Variants in CNTN4 observed in about 807,000 individuals in gnomAD.
CNTN4 encodes contactin-4.
CNTN4 carries 77 observed loss-of-function variants against 122.5 expected under a neutral mutation model. That is an observed-to-expected ratio of 0.63 (90% CI 0.52 to 0.76). The LOEUF is 0.76. Ranked by LOEUF, CNTN4 falls within the 30% of genes least tolerant of loss-of-function variation. The pLI, the probability that CNTN4 is intolerant of heterozygous loss-of-function variation, is 0.00. For missense variants in CNTN4, 1,256 were observed against 1,259.1 expected (o/e 1.00, Z 0.04); for synonymous variants, 512 against 447.0 (o/e 1.15, Z -1.83).
chr3:2,467,936 A>G (rs964012457), intron 3 of CNTN4, among the ~76,000 whole-genome samples: 2 of 152,242 alleles, frequency 1.3e-5, no homozygotes, highest in South Asian at 2.1e-4. Flanking sequence ...ATCTTTATCT[A>G]TATTTTATAG....
intron 3 of CNTN4, among the ~76,000 whole-genome samples, chr3:2,433,880 T>G (rs1223616184): frequency 6.6e-6 from 1 of 152,160 alleles, no homozygotes; most frequent in African/African-American, 2.4e-5. Context: ...TTGGAGGACA[T>G]TATGCCAATT....
At chr3:2,629,056 G>A (rs1456668008) in intron 4 of CNTN4, among the ~76,000 whole-genome samples, 1 of 152,172 alleles carries the variant, frequency 6.6e-6, no homozygotes, top group Non-Finnish European at 1.5e-5. Flanking sequence ...AGCGGTATCT[G>A]AAAGGAACTT....
intron 13 of CNTN4, among the ~76,000 whole-genome samples, chr3:2,951,423 C>T (rs1484925153): frequency 2.6e-5 from 4 of 152,176 alleles, no homozygotes; most frequent in Non-Finnish European, 4.4e-5. Context: ...TGACAGAAGG[C>T]GGAGCACAGA....
intron 2 of CNTN4, among the ~76,000 whole-genome samples, chr3:2,128,222 A>C (rs766501534): frequency 2.6e-5 from 4 of 152,148 alleles, no homozygotes; most frequent in African/African-American, 9.7e-5. Flanking sequence ...GCTGATTGCA[A>C]CCCTGAGCCA....
intron 16 of CNTN4, among the ~76,000 whole-genome samples, chr3:3,033,423 C>T (rs1053532183): frequency 1.3e-5 from 2 of 152,220 alleles, no homozygotes; most frequent in African/African-American, 4.8e-5. Context: ...GAATTTAGGG[C>T]ATCACGTAAA....
chr3:2,464,123 TTA>T (rs1466551431), intron 3 of CNTN4, among the ~76,000 whole-genome samples: 4 of 152,232 alleles, frequency 2.6e-5, no homozygotes, highest in Non-Finnish European at 5.9e-5. Context: ...ATGGAATGGC[TTA>T]TGACAACTTC....
chr3:2,470,881 T>A (rs1444692660), intron 3 of CNTN4, among the ~76,000 whole-genome samples: 2 of 152,188 alleles, frequency 1.3e-5, no homozygotes, highest in African/African-American at 4.8e-5. Flanking sequence ...CTGGTATATG[T>A]AAGGTTTGGG....
chr3:2,854,804 T>TG (rs1271436920), intron 7 of CNTN4, among the ~76,000 whole-genome samples: 1 of 152,152 alleles, frequency 6.6e-6, no homozygotes, highest in Non-Finnish European at 1.5e-5. Flanking sequence ...AGTAAATAAT[T>TG]AGAGTTAAAC....
At chr3:2,267,841 A>G (rs1024661669) in intron 2 of CNTN4, among the ~76,000 whole-genome samples, 1 of 151,924 alleles carries the variant, frequency 6.6e-6, no homozygotes, top group Admixed American at 6.6e-5. Context: ...TTTTCATCAT[A>G]TATATAACAG....
At chr3:2,960,186 T>G (rs1018225711) in intron 13 of CNTN4, among the ~76,000 whole-genome samples, 1 of 152,148 alleles carries the variant, frequency 6.6e-6, no homozygotes, top group African/African-American at 2.4e-5. Flanking sequence ...TGAAAATTGG[T>G]TTGAGATAAT....
chr3:2,441,080 A>G (rs1046369268), intron 3 of CNTN4, among the ~76,000 whole-genome samples: 9 of 151,954 alleles, frequency 5.9e-5, no homozygotes, highest in African/African-American at 2.2e-4. Flanking sequence ...GAATTGATGC[A>G]TTATGGTGAG....
chr3:2,659,556 A>G (rs752195095), intron 4 of CNTN4, among the ~76,000 whole-genome samples: 7 of 151,868 alleles, frequency 4.6e-5, no homozygotes, highest in South Asian at 2.1e-4. Flanking sequence ...CCTAGTCTGC[A>G]GTGAGGTTTT....
rs73807021 is a variant in CNTN4 at position 2,200,107 on chromosome 3, A to T, written c.-145+99468A>T. 8.1e-3 allele frequency among the ~76,000 whole-genome samples: 1,237 copies of T among 152,260 alleles called. 15 individuals carry two copies. The highest frequency in any genetic ancestry group is 0.028 in the African/African-American group (1,171 of 41,558). ...TACCCCTGCAGTATGTAAAGAATGG[A>T]TTCACGAGGATAAAGAGATGGTAGG... On this transcript the variant is annotated intron_variant, in intron 2 of 24. Coordinates refer to ENST00000418658, the MANE Select transcript of CNTN4 (RefSeq NM_175607.3).
At chr3:2,172,509 T>C (rs1023678395) in intron 2 of CNTN4, among the ~76,000 whole-genome samples, 10 of 152,028 alleles carry the variant, frequency 6.6e-5, no homozygotes, top group Admixed American at 2.0e-4. Context: ...GAAGGACTTA[T>C]CCACGTAACC....
intron 4 of CNTN4, among the ~76,000 whole-genome samples, chr3:2,659,460 C>CAAAAAAAA (rs59025670): frequency 1.1e-4 from 6 of 53,952 alleles, no homozygotes; most frequent in African/African-American, 2.0e-4. Context: ...GACTCCATCT[C>CAAAAAAAA]AAAAAAAAAA....
At chr3:2,449,062 A>G (rs969482993) in intron 3 of CNTN4, among the ~76,000 whole-genome samples, 1 of 152,188 alleles carries the variant, frequency 6.6e-6, no homozygotes, top group Non-Finnish European at 1.5e-5. Context: ...TATTACTTAT[A>G]TAACTGTTTA....
chr3:2,481,055 T>TTCTTTCTTTCTCTCTTTCTC (rs1213100693), intron 3 of CNTN4, among the ~76,000 whole-genome samples: 1 of 134,798 alleles, frequency 7.4e-6, no homozygotes, highest in Non-Finnish European at 1.6e-5. Context: ...CTTTCTTTCT[T>TTCTTTCTTTCTCTCTTTCTC]TCTTTCTCTC....
At chr3:2,539,007 A>G (rs2077926288) in intron 3 of CNTN4, among the ~76,000 whole-genome samples, 1 of 151,988 alleles carries the variant, frequency 6.6e-6, no homozygotes, top group African/African-American at 2.4e-5. Flanking sequence ...ACTACTCCCC[A>G]TTATTGAACA....
chr3:2,718,907 G>C (rs1484186612), intron 4 of CNTN4, among the ~76,000 whole-genome samples: 1 of 152,056 alleles, frequency 6.6e-6, no homozygotes, highest in Non-Finnish European at 1.5e-5. Context: ...TTTTTAACCT[G>C]AAATCCATAG....
Sources: allele counts gnomAD v4.1 joint callset (sites outside exome capture counted in the v4.1 genomes callset), GRCh38; gene constraint gnomAD v4.1.1; transcripts MANE v1.5; gene names NCBI Gene and HGNC (gene_info 2026-07-23, HGNC 2026-07-21).